PTPRD: variants seen among roughly 807,000 people sequenced by gnomAD.
PTPRD encodes protein tyrosine phosphatase receptor type D.
In PTPRD, 34 loss-of-function variants were observed where a neutral mutation model predicts 214.5. The ratio of observed to expected loss-of-function variants is 0.16; its 90% CI spans 0.12 to 0.21. PTPRD has a LOEUF of 0.21. PTPRD is among the 10% of genes least tolerant of loss of function. PTPRD has a pLI of 1.00. For missense variants in PTPRD, 2,545 were observed against 2,398.7 expected, an observed-to-expected ratio of 1.06 and a Z score of -1.27; for synonymous variants, 1,128 against 845.7, an observed-to-expected ratio of 1.33 and a Z score of -5.79.
chr9:10,595,323 G>A (rs1254291647), intron 2 of PTPRD, among the ~76,000 whole-genome samples: 1 of 151,830 alleles, frequency 6.6e-6, no homozygotes, highest in Non-Finnish European at 1.5e-5. Flanking sequence ...AAAAGATAAT[G>A]AGGCAATTTA....
At chr9:9,409,312 AT>A (rs1379433633) in intron 8 of PTPRD, among the ~76,000 whole-genome samples, 6 of 151,980 alleles carry the variant, frequency 3.9e-5, no homozygotes, top group Non-Finnish European at 8.8e-5. Flanking sequence ...CATTGAATGT[AT>A]TACATTGGAA....
Position 10,485,851 on chromosome 9 carries a change from G to T in PTPRD, c.-600+126547C>A, listed in dbSNP as rs186943014. Among the ~76,000 whole-genome samples, 193 of 152,078 alleles carry T rather than the reference G, an allele frequency of 1.3e-3. 1 individual carries two copies. The highest frequency in any genetic ancestry group is 4.5e-3 in the African/African-American group (185 of 41,522). On this transcript the variant is annotated intron_variant, in intron 2 of 45. Coordinates refer to ENST00000381196, the MANE Select transcript of PTPRD (RefSeq NM_002839.4). ...TTCCTGCATACAATTGAAATAGATTGTTCAGTTTATTGGCAGGCAGTTTCT... is the reference window on the plus strand; with the variant it reads ...TTCCTGCATACAATTGAAATAGATTTTTCAGTTTATTGGCAGGCAGTTTCT...
intron 6 of PTPRD, among the ~76,000 whole-genome samples, chr9:9,757,865 C>A (rs1377997313): frequency 1.3e-5 from 2 of 152,040 alleles, no homozygotes; most frequent in African/African-American, 4.8e-5. Context: ...TTTTACCAGC[C>A]TGCCATTATT....
intron 2 of PTPRD, among the ~76,000 whole-genome samples, chr9:10,390,134 A>G (rs545996587): frequency 6.6e-6 from 1 of 151,872 alleles, no homozygotes; most frequent in South Asian, 2.1e-4. Context: ...TATACAGTAC[A>G]GATTAAACAC....
intron 44 of PTPRD, among the ~76,000 whole-genome samples, chr9:8,321,410 G>A (rs906637207): frequency 6.8e-6 from 1 of 147,186 alleles, no homozygotes. Flanking sequence ...AATAAGAAAA[G>A]TGGTATTTTC....
At chr9:10,353,221 A>G (rs2097211761) in intron 2 of PTPRD, among the ~76,000 whole-genome samples, 1 of 151,944 alleles carries the variant, frequency 6.6e-6, no homozygotes. Context: ...TCAGAGGTGA[A>G]GTTGTGGTCA....
chr9:10,184,859 A>G (rs1240989865), intron 3 of PTPRD, among the ~76,000 whole-genome samples: 2 of 152,210 alleles, frequency 1.3e-5, no homozygotes, highest in African/African-American at 4.8e-5. Flanking sequence ...AAAACTCTGT[A>G]ATTGGCAGTG....
rs552312793 is a variant in PTPRD at position 10,191,433 on chromosome 9, C to A, written c.-545+149530G>T. Among the ~76,000 whole-genome samples the A allele has an allele frequency of 1.1e-3, 171 of 152,086 alleles. 1 individual carries two copies. The highest frequency in any genetic ancestry group is 4.1e-3 in the Admixed American group (62 of 15,266). On this transcript the variant is annotated intron_variant, in intron 3 of 45. Transcript: ENST00000381196. ...TAAAGGGTTCCTGGAGAGGCTAATG[C>A]TATTTTATGCATTTACAAATTGAAA...
intron 2 of PTPRD, among the ~76,000 whole-genome samples, chr9:10,583,835 G>A (rs1188520576): frequency 1.3e-5 from 2 of 152,150 alleles, no homozygotes; most frequent in Admixed American, 6.5e-5. Context: ...AAGGACAGCT[G>A]TGTTATTTCG....
chr9:8,497,231 A>T lies in PTPRD; in HGVS notation c.2349+11T>A, dbSNP rs757816400. 6.3e-6 allele frequency: 10 copies of T among 1,590,728 alleles called. No individual in the cohort carries two copies. The highest frequency in any genetic ancestry group is 5.1e-6 in the Non-Finnish European group (6 of 1,170,982). On this transcript the variant is annotated intron_variant, in intron 26 of 45. Coordinates refer to ENST00000381196, the MANE Select transcript of PTPRD (RefSeq NM_002839.4). ...AGTCTGCTTTTGACAAAACAGTCAA[A>T]AATTACTCACATGTTCAGTAGTATC... is the stretch of plus-strand genomic sequence containing the variant.
intron 8 of PTPRD, among the ~76,000 whole-genome samples, chr9:9,485,218 A>T (rs1463363964): frequency 6.6e-6 from 1 of 152,218 alleles, no homozygotes; most frequent in Non-Finnish European, 1.5e-5. Flanking sequence ...GGGTAAAAAA[A>T]TTGAAGCATA....
chr9:10,177,873 C>T (rs544610411), intron 3 of PTPRD, among the ~76,000 whole-genome samples: 1 of 151,888 alleles, frequency 6.6e-6, no homozygotes, highest in Non-Finnish European at 1.5e-5. Context: ...CTACTATCCA[C>T]TTCCTTTTAT....
At position 8,445,113 on chromosome 9, in the gene PTPRD, T is replaced by A. The variant is rs138053280; in HGVS notation, c.3988+4612A>T. On this transcript the variant is annotated intron_variant, in intron 34 of 45. Coordinates refer to ENST00000381196, the MANE Select transcript of PTPRD (RefSeq NM_002839.4). ...TTTGCCCATCTTATTCCACTATCTG[T>A]TAGAATTAATAAGTCAAATCTTAGC... Among the ~76,000 whole-genome samples the A allele has an allele frequency of 4.6e-3, 705 of 152,314 alleles. 5 individuals carry two copies. Among genetic ancestry groups the A allele is most frequent in the African/African-American group, 0.016 (678 of 41,580 alleles).
At chr9:8,385,811 G>C (rs10758969) in intron 37 of PTPRD, among the ~76,000 whole-genome samples, 1 of 151,878 alleles carries the variant, frequency 6.6e-6, no homozygotes, top group Non-Finnish European at 1.5e-5. Context: ...TCCTGGGGGA[G>C]AGCAAGTAGG....
chr9:10,310,855 T>G (rs538226391), intron 3 of PTPRD, among the ~76,000 whole-genome samples: 1 of 152,166 alleles, frequency 6.6e-6, no homozygotes, highest in East Asian at 1.9e-4. Flanking sequence ...TTTTCATTAA[T>G]ATGTTGTTAC....
At chr9:8,446,525 G>A (rs1013482520) in intron 34 of PTPRD, among the ~76,000 whole-genome samples, 1 of 152,018 alleles carries the variant, frequency 6.6e-6, no homozygotes, top group African/African-American at 2.4e-5. Flanking sequence ...TTTGCCTTTG[G>A]GAACAAATTC....
chr9:10,522,629 C>A (rs1446609008), intron 2 of PTPRD, among the ~76,000 whole-genome samples: 2 of 152,052 alleles, frequency 1.3e-5, no homozygotes, highest in Non-Finnish European at 2.9e-5. Flanking sequence ...AAAGCACCAA[C>A]TGTGACCTAC....
At chr9:8,730,213 G>A (rs1223251578) in intron 12 of PTPRD, among the ~76,000 whole-genome samples, 2 of 152,038 alleles carry the variant, frequency 1.3e-5, no homozygotes, top group East Asian at 1.9e-4. Flanking sequence ...CCGAGATCGC[G>A]CCACTGCACT....
intron 7 of PTPRD, among the ~76,000 whole-genome samples, chr9:9,631,914 G>A (rs79091674): frequency 0.016 from 2,370 of 152,248 alleles, 54 homozygotes; most frequent in African/African-American, 0.054. Context: ...TAAAGAATTA[G>A]TGCTGATACT....
Sources: gnomAD v4.1 joint callset for allele counts (sites outside exome capture counted in the v4.1 genomes callset) on GRCh38, gnomAD v4.1.1 for gene constraint, MANE v1.5 for transcripts, NCBI Gene and HGNC (gene_info 2026-07-23, HGNC 2026-07-21) for gene names.